SHISA9: variants seen among roughly 807,000 people sequenced by gnomAD.
SHISA9 encodes protein shisa-9.
A neutral mutation model predicts 38.0 loss-of-function variants in SHISA9; 13 were observed. The ratio of observed to expected loss-of-function variants is 0.34; its 90% CI spans 0.22 to 0.54. The LOEUF (loss-of-function observed/expected upper bound fraction) is 0.54, where lower values mean the gene tolerates loss of function less well. Ranked by LOEUF, SHISA9 falls within the 20% of genes least tolerant of loss-of-function variation. The pLI is 0.91. For synonymous variants in SHISA9, 275 were observed against 242.0 expected (o/e 1.14, Z -1.27); for missense variants, 538 against 575.8 (o/e 0.93, Z 0.67).
the SHISA9 span, among the ~76,000 whole-genome samples, chr16:13,402,892 G>T: frequency 3.9e-4 from 60 of 152,198 alleles, no homozygotes; most frequent in African/African-American, 1.3e-3. Flanking sequence ...GCCAAGGCGG[G>T]CAGGTCACAA....
At chr16:13,303,629 G>T in the SHISA9 span, among the ~76,000 whole-genome samples, 1 of 152,158 alleles carries the variant, frequency 6.6e-6, no homozygotes, top group African/African-American at 2.4e-5. Context: ...AAGGGTGCAG[G>T]ATTCCCTTTT....
chr16:12,909,172 T>C, intron 1 of SHISA9: 1 of 986,006 alleles, frequency 1.0e-6, no homozygotes, highest in Non-Finnish European at 1.2e-6. Context: ...GCAGGGTATG[T>C]TGACTTCTCT....
chr16:13,284,192 T>A, the SHISA9 span, among the ~76,000 whole-genome samples: 30 of 152,218 alleles, frequency 2.0e-4, no homozygotes, highest in African/African-American at 7.2e-4. Context: ...TGGAGAAATT[T>A]TCCCCAAGTA....
intron 2 of SHISA9, among the ~76,000 whole-genome samples, chr16:13,066,084 A>G (rs975450913): frequency 6.6e-6 from 1 of 152,172 alleles, no homozygotes; most frequent in Non-Finnish European, 1.5e-5. Context: ...TCCCTCACTG[A>G]GGGAGATACG....
At chr16:12,916,871 C>A in intron 2 of SHISA9, 56 bp downstream of exon 2, 2 of 1,521,602 alleles carry the variant, frequency 1.3e-6, no homozygotes, top group South Asian at 2.6e-5. Flanking sequence ...GAGCAGTGGT[C>A]ACATTGCCAG....
At chr16:13,122,565 G>A (rs560648017) in intron 2 of SHISA9, among the ~76,000 whole-genome samples, 1 of 152,306 alleles carries the variant, frequency 6.6e-6, no homozygotes, top group East Asian at 1.9e-4. Context: ...GGGTTGTATA[G>A]AGTTATTCAA....
At chr16:13,463,736 C>T in the SHISA9 span, among the ~76,000 whole-genome samples, 1 of 152,184 alleles carries the variant, frequency 6.6e-6, no homozygotes, top group Non-Finnish European at 1.5e-5. Context: ...CTGCTGGCTG[C>T]TCAGGAAATA....
At chr16:13,376,239 C>T in the SHISA9 span, among the ~76,000 whole-genome samples, 2 of 152,210 alleles carry the variant, frequency 1.3e-5, no homozygotes, top group Non-Finnish European at 1.5e-5. Flanking sequence ...ATGTATAATC[C>T]TCCCTTAGGG....
downstream of SHISA9, among the ~76,000 whole-genome samples, chr16:13,244,716 C>T (rs1056645423): frequency 2.0e-5 from 3 of 152,176 alleles, no homozygotes; most frequent in Non-Finnish European, 2.9e-5. Context: ...CGACCTCTAA[C>T]GCCTGCATTG....
chr16:13,445,019 T>C, the SHISA9 span, among the ~76,000 whole-genome samples: 1 of 91,508 alleles, frequency 1.1e-5, no homozygotes, highest in Non-Finnish European at 2.2e-5. Context: ...TATATATATA[T>C]ATATATATAT....
intron 4 of SHISA9, among the ~76,000 whole-genome samples, chr16:13,221,652 A>T (rs1044157930): frequency 2.6e-5 from 4 of 152,170 alleles, no homozygotes; most frequent in Non-Finnish European, 5.9e-5. Context: ...CTATCATACA[A>T]TTCACCCATT....
chr16:12,960,024 C>T (rs547361550), intron 2 of SHISA9, among the ~76,000 whole-genome samples: 10 of 152,330 alleles, frequency 6.6e-5, no homozygotes, highest in South Asian at 4.1e-4. Context: ...TTTGGAACTA[C>T]GCATTTCCTT....
chr16:13,502,498 C>A, the SHISA9 span, among the ~76,000 whole-genome samples: 3 of 152,128 alleles, frequency 2.0e-5, no homozygotes, highest in Non-Finnish European at 4.4e-5. Flanking sequence ...ACCTACCATG[C>A]GTCTGGGCAC....
chr16:13,027,927 C>CAAAAAAAAAAAAAAAAAAA (rs201210384), intron 2 of SHISA9, among the ~76,000 whole-genome samples: 2 of 29,406 alleles, frequency 6.8e-5, no homozygotes, highest in Admixed American at 3.4e-4. Flanking sequence ...AGCTCTGTCT[C>CAAAAAAAAAAAAAAAAAAA]AAAAACAAAA....
At chr16:13,520,688 GA>G in the SHISA9 span, among the ~76,000 whole-genome samples, 1 of 149,196 alleles carries the variant, frequency 6.7e-6, no homozygotes, top group Non-Finnish European at 1.5e-5. Context: ...TTCTTCAGCA[GA>G]AAAGCCAAGG....
chr16:13,222,995 C>T (rs764151560), intron 4 of SHISA9, among the ~76,000 whole-genome samples: 1 of 152,178 alleles, frequency 6.6e-6, no homozygotes, highest in African/African-American at 2.4e-5. Context: ...CTTCAATACT[C>T]TCCATCCCCA....
At chr16:12,936,468 T>C (rs1442949349) in intron 2 of SHISA9, among the ~76,000 whole-genome samples, 4 of 152,118 alleles carry the variant, frequency 2.6e-5, no homozygotes, top group African/African-American at 9.7e-5. Flanking sequence ...GGAGAAGGGA[T>C]GGAGGAGGGG....
chr16:13,521,135 C>T, the SHISA9 span, among the ~76,000 whole-genome samples: 1 of 152,152 alleles, frequency 6.6e-6, no homozygotes. Context: ...TAGGTGTGAT[C>T]ATTCTGTACA....
the SHISA9 span, among the ~76,000 whole-genome samples, chr16:13,410,315 TTTA>T: frequency 6.6e-6 from 1 of 152,192 alleles, no homozygotes; most frequent in East Asian, 1.9e-4. Flanking sequence ...AATCAATAGT[TTTA>T]TTATTATGCT....
Sources: allele counts gnomAD v4.1 joint callset (sites outside exome capture counted in the v4.1 genomes callset), GRCh38; gene constraint gnomAD v4.1.1; transcripts MANE v1.5; gene names NCBI Gene and HGNC (gene_info 2026-07-23, HGNC 2026-07-21).